Variants in ZNRF1 observed in about 807,000 individuals in gnomAD.
ZNRF1 encodes zinc and ring finger 1, also known as E3 ubiquitin-protein ligase ZNRF1.
ZNRF1 carries 3 observed loss-of-function variants against 18.4 expected under a neutral mutation model. That is an observed-to-expected ratio of 0.16 (90% confidence interval 0.07 to 0.42). The LOEUF (loss-of-function observed/expected upper bound fraction) is 0.42. Ranked by LOEUF, ZNRF1 falls within the 10% of genes least tolerant of loss-of-function variation. The pLI is 0.99. For missense variants in ZNRF1, 310 were observed against 329.8 expected (o/e 0.94, Z 0.47); for synonymous variants, 157 against 144.2 (o/e 1.09, Z -0.64).
rs1359276914 is a variant in ZNRF1 at position 75,108,615 on chromosome 16, TATAAA to T, written c.*918_*922del. 1.3e-5 allele frequency: 5 copies of T among 398,754 alleles called. No homozygotes were observed. Among genetic ancestry groups the T allele is most frequent in the Non-Finnish European group, 2.2e-5 (5 of 226,040 alleles). 24.7% of individuals were successfully genotyped at this position (398,754 alleles called of 1,614,324 possible). A position where few individuals can be genotyped will look rare whatever the true frequency, so the allele number is the denominator to read the frequency against. On this transcript the variant is annotated 3_prime_UTR_variant, in exon 5 of 5. Coordinates refer to ENST00000335325, the MANE Select transcript of ZNRF1 (RefSeq NM_032268.5). ...ATATATTAAAATACAAAAAAAAACT[TATAAA>T]ATGTTTAAAAAAATGTTCAAAGCTT... is the stretch of plus-strand genomic sequence containing the variant.
intron 1 of ZNRF1, among the ~76,000 whole-genome samples, chr16:75,018,732 G>C (rs944705929): frequency 2.6e-5 from 4 of 151,976 alleles, no homozygotes; most frequent in Non-Finnish European, 5.9e-5. Context: ...TTATATTCTT[G>C]AAATTAATCC....
At chr16:75,054,202 T>C (rs762192534) in intron 1 of ZNRF1, among the ~76,000 whole-genome samples, 6 of 152,242 alleles carry the variant, frequency 3.9e-5, no homozygotes, top group Non-Finnish European at 7.3e-5. Flanking sequence ...GCATTTTGTC[T>C]TTCAGAGTGG....
rs2035121692 is a variant in ZNRF1 at position 75,019,852 on chromosome 16, G to A, written c.424+19757G>A. Among the ~76,000 whole-genome samples the A allele has an allele frequency of 2.6e-5, 4 of 152,196 alleles. No individual in the cohort carries two copies. The South Asian group carries it at 8.3e-4, about 32-fold the overall frequency. ...CGATCCTCCTGCCTCAGCCTCCCGA[G>A]TAGCTAGAACCACAGGCACACACCA... On this transcript the variant is annotated intron_variant, in intron 1 of 4. Coordinates refer to ENST00000335325, the MANE Select transcript of ZNRF1 (RefSeq NM_032268.5).
At chr16:75,078,452 C>T (rs565569383) in intron 1 of ZNRF1, among the ~76,000 whole-genome samples, 5 of 152,210 alleles carry the variant, frequency 3.3e-5, no homozygotes, top group Admixed American at 2.6e-4. Context: ...GCACACATCA[C>T]CATGCCCGGC....
At chr16:75,103,561 G>A (rs2036277032) in intron 2 of ZNRF1, among the ~76,000 whole-genome samples, 1 of 152,060 alleles carries the variant, frequency 6.6e-6, no homozygotes, top group East Asian at 1.9e-4. Flanking sequence ...AGTTATGCAC[G>A]ATGAGTAAGT....
chr16:75,063,663 T>C (rs1291211543), intron 1 of ZNRF1, among the ~76,000 whole-genome samples: 1 of 152,206 alleles, frequency 6.6e-6, no homozygotes, highest in Non-Finnish European at 1.5e-5. Context: ...ATTTGTGAAG[T>C]TACTGTGTGA....
intron 1 of ZNRF1, among the ~76,000 whole-genome samples, chr16:75,003,925 C>G (rs939849214): frequency 6.6e-6 from 1 of 151,892 alleles, no homozygotes; most frequent in African/African-American, 2.4e-5. Flanking sequence ...TATGGGGGCA[C>G]TCTCTTATAG....
chr16:75,097,915 T>A (rs2036217771), intron 2 of ZNRF1, among the ~76,000 whole-genome samples: 2 of 152,224 alleles, frequency 1.3e-5, no homozygotes, highest in South Asian at 4.1e-4. Context: ...AGGCAATTCT[T>A]TGTCCCATGT....
At chr16:75,073,772 A>G (rs1187798962) in intron 1 of ZNRF1, among the ~76,000 whole-genome samples, 1 of 151,888 alleles carries the variant, frequency 6.6e-6, no homozygotes, top group African/African-American at 2.4e-5. Context: ...GCTACCCGAC[A>G]TGGTTCTGTG....
intron 1 of ZNRF1, among the ~76,000 whole-genome samples, chr16:75,091,265 G>C (rs1181101997): frequency 6.6e-6 from 1 of 151,820 alleles, no homozygotes; most frequent in Non-Finnish European, 1.5e-5. Context: ...AGGCTGAGGT[G>C]GGAGACTCTC....
chr16:75,055,742 A>G (rs2035659120), intron 1 of ZNRF1, among the ~76,000 whole-genome samples: 1 of 152,164 alleles, frequency 6.6e-6, no homozygotes, highest in Admixed American at 6.6e-5. Flanking sequence ...GTGACCTTAG[A>G]GATTAAAGAT....
chr16:75,050,142 G>A (rs954205906), intron 1 of ZNRF1, among the ~76,000 whole-genome samples: 1 of 152,158 alleles, frequency 6.6e-6, no homozygotes, highest in Non-Finnish European at 1.5e-5. Flanking sequence ...AAACTCTTGT[G>A]TATTTCAATA....
At chr16:75,062,115 G>T (rs776245036) in intron 1 of ZNRF1, among the ~76,000 whole-genome samples, 1 of 152,186 alleles carries the variant, frequency 6.6e-6, no homozygotes, top group Non-Finnish European at 1.5e-5. Flanking sequence ...CTAAGCAAAT[G>T]GTTGTTCAGT....
intron 1 of ZNRF1, among the ~76,000 whole-genome samples, chr16:75,032,597 A>G (rs2035320540): frequency 6.6e-6 from 1 of 152,204 alleles, no homozygotes; most frequent in South Asian, 2.1e-4. Flanking sequence ...GATACTATCT[A>G]GAAAATAATA....
chr16:75,100,867 T>C (rs1412696914), intron 2 of ZNRF1, among the ~76,000 whole-genome samples: 2 of 152,190 alleles, frequency 1.3e-5, no homozygotes, highest in East Asian at 3.9e-4. Flanking sequence ...AGCTATGCTG[T>C]TTTTCCTCCC....
At chr16:75,016,603 T>G (rs2035073813) in intron 1 of ZNRF1, among the ~76,000 whole-genome samples, 1 of 151,652 alleles carries the variant, frequency 6.6e-6, no homozygotes, top group Non-Finnish European at 1.5e-5. Flanking sequence ...TGGCCTGATC[T>G]CGACTGACTG....
chr16:75,110,443 C>G lies in ZNRF1; in HGVS notation c.*2743C>G, dbSNP rs1451907997. 2.0e-5 allele frequency: 3 copies of G among 152,244 alleles called. No homozygotes were observed. The highest frequency in any genetic ancestry group is 4.4e-5 in the Non-Finnish European group (3 of 68,060). The allele number at this position is 152,244 out of a possible 1,614,324, so 9.4% of individuals were successfully genotyped here. On this transcript the variant is annotated 3_prime_UTR_variant, in exon 5 of 5. Coordinates refer to ENST00000335325, the MANE Select transcript of ZNRF1 (RefSeq NM_032268.5). ...ACGTGAGACCCTCACAAAGACCAAC[C>G]ATTCCTCTAATAGCCATTTAACGGT...
chr16:75,069,088 G>A (rs944636554), intron 1 of ZNRF1, among the ~76,000 whole-genome samples: 6 of 151,872 alleles, frequency 4.0e-5, no homozygotes, highest in African/African-American at 1.5e-4. Flanking sequence ...GGTGAACAGC[G>A]TTAATTGGCT....
At chr16:75,083,802 T>C (rs1440718587) in intron 1 of ZNRF1, among the ~76,000 whole-genome samples, 1 of 151,914 alleles carries the variant, frequency 6.6e-6, no homozygotes, top group Non-Finnish European at 1.5e-5. Flanking sequence ...AGAGAAGTTA[T>C]GGAGAAAGAG....
Sources: gnomAD v4.1 joint callset for allele counts (sites outside exome capture counted in the v4.1 genomes callset) on GRCh38, gnomAD v4.1.1 for gene constraint, MANE v1.5 for transcripts, NCBI Gene and HGNC (gene_info 2026-07-23, HGNC 2026-07-21) for gene names.